NFATC1: variants seen among roughly 807,000 people sequenced by gnomAD.
NFATC1 encodes the protein nuclear factor of activated T-cells, cytoplasmic 1.
In NFATC1, 22 loss-of-function variants were observed where a neutral mutation model predicts 76.0. The observed-to-expected ratio is 0.29, with a 90% CI of 0.21 to 0.41. NFATC1 has a LOEUF of 0.41. NFATC1 is among the 10% of genes least tolerant of loss of function. The pLI, the probability that NFATC1 is intolerant of heterozygous loss-of-function variation, is 1.00. For missense variants in NFATC1, 1,357 were observed against 1,337.7 expected, an observed-to-expected ratio of 1.01 and a Z score of -0.23; for synonymous variants, 704 against 613.1, an observed-to-expected ratio of 1.15 and a Z score of -2.19.
At chr18:79,449,443 A>G (rs2087363096) in intron 4 of NFATC1, among the ~76,000 whole-genome samples, 1 of 152,250 alleles carries the variant, frequency 6.6e-6, no homozygotes, top group African/African-American at 2.4e-5. Flanking sequence ...TTTTTTAGTA[A>G]GGTGAGGACG....
chr18:79,413,026 G>A (rs2085751026), intron 2 of NFATC1, among the ~76,000 whole-genome samples: 1 of 152,290 alleles, frequency 6.6e-6, no homozygotes, highest in South Asian at 2.1e-4. Flanking sequence ...AACTGTTTTT[G>A]CCTGCTGTAC....
chr18:79,411,078 A>G lies in NFATC1; in HGVS notation c.803A>G (p.Tyr268Cys), dbSNP rs2085657828. ...RPASPCNKRK[Y>C]SLNGRQPPYS... The stretch of plus-strand genomic sequence containing the variant: ...GCGTCCCCTTGCAACAAGAGGAAGT[A>G]CAGCCTCAACGGCCGGCAGCCGCCC... The change falls in exon 2 of 10, where the codon TAC becomes TGC. Residue 268 changes from tyrosine to cysteine, a missense_variant. By Grantham distance (194) the Tyr-to-Cys change is radical. Around this residue, in one of 3 missense-constraint regions of NFATC1, gnomAD observed 691 missense variants for 613.1 expected, o/e 1.13. Transcript: ENST00000427363. 1.2e-6 allele frequency: 2 copies of G among 1,611,808 alleles called. No individual in the cohort carries two copies. Among genetic ancestry groups the G allele is most frequent in the Non-Finnish European group, 1.7e-6 (2 of 1,179,512 alleles).
At chr18:79,523,337 C>T (rs1230500890) in intron 9 of NFATC1, among the ~76,000 whole-genome samples, 2 of 152,246 alleles carry the variant, frequency 1.3e-5, no homozygotes, top group African/African-American at 4.8e-5. Context: ...TCATTCCCAG[C>T]ATAGAGAAAC....
intron 3 of NFATC1, among the ~76,000 whole-genome samples, chr18:79,443,083 C>T (rs764821456): frequency 3.9e-5 from 6 of 152,052 alleles, no homozygotes; most frequent in Non-Finnish European, 5.9e-5. Context: ...TTTTCAGTCG[C>T]GGCTGGAAGG....
Position 79,396,409 on chromosome 18 carries a change from G to GC in NFATC1, c.127+64dup, listed in dbSNP as rs1011241253. 12 of 1,087,784 alleles carry GC rather than the reference G, an allele frequency of 1.1e-5. No homozygotes were observed. The African/African-American group carries it at 1.5e-4, about 14-fold the overall frequency. 67.4% of individuals were successfully genotyped at this position (1,087,784 alleles called of 1,614,324 possible). On this transcript the variant is annotated intron_variant, in intron 1 of 9. Coordinates refer to ENST00000427363, the MANE Select transcript of NFATC1 (RefSeq NM_001278669.2). ...CTGCGCCCCCCACGGCCCGGGCCGC[G>GC]CCCCCCGACCCCGCCCCCGTCGCCC...
chr18:79,400,750 G>A (rs1192661121), intron 1 of NFATC1, among the ~76,000 whole-genome samples: 2 of 84,440 alleles, frequency 2.4e-5, no homozygotes. Flanking sequence ...TGGTGGCGCT[G>A]CCAGAGGCGG....
intron 9 of NFATC1, among the ~76,000 whole-genome samples, chr18:79,495,739 A>G (rs113310686): frequency 0.014 from 2,164 of 152,386 alleles, 54 homozygotes; most frequent in African/African-American, 0.046. Context: ...CATCTTGTGT[A>G]GGCAAGCCGT....
At chr18:79,430,856 CCT>C (rs1418344924) in intron 2 of NFATC1, among the ~76,000 whole-genome samples, 1 of 152,238 alleles carries the variant, frequency 6.6e-6, no homozygotes, top group Non-Finnish European at 1.5e-5. Flanking sequence ...GCAGCTGCCC[CCT>C]CTCCCTTCCC....
At chr18:79,442,335 C>T (rs2087011954) in intron 3 of NFATC1, among the ~76,000 whole-genome samples, 1 of 152,262 alleles carries the variant, frequency 6.6e-6, no homozygotes, top group South Asian at 2.1e-4. Context: ...GTCGGTCCTG[C>T]TGAGCAGCCT....
chr18:79,516,325 TAAAA>T (rs1249513212), intron 9 of NFATC1, among the ~76,000 whole-genome samples: 1 of 152,186 alleles, frequency 6.6e-6, no homozygotes, highest in African/African-American at 2.4e-5. Flanking sequence ...ATGAAAAAGA[TAAAA>T]ATAAGTGAAG....
rs755208638 is a variant in NFATC1, at chr18:79,396,202, C to T, written c.-23C>T. On this transcript the variant is annotated 5_prime_UTR_variant, in exon 1 of 10. Transcript: ENST00000427363. ...TCTCCTGTGCCTCCGCCCGCCGCTC[C>T]ACTCCCCGCCGCCGCCGCGCGGATG... 1 of 1,469,200 alleles carries T rather than the reference C, an allele frequency of 6.8e-7. No homozygotes were observed. The highest frequency in any genetic ancestry group is 9.1e-7 in the Non-Finnish European group (1 of 1,101,226). 91.0% of individuals were successfully genotyped at this position (1,469,200 alleles called of 1,614,324 possible).
chr18:79,420,033 C>A (rs1317547330), intron 2 of NFATC1, among the ~76,000 whole-genome samples: 1 of 152,196 alleles, frequency 6.6e-6, no homozygotes, highest in Non-Finnish European at 1.5e-5. Flanking sequence ...TGGGGAGAGA[C>A]AGTAGTTGTA....
At chr18:79,419,223 G>A (rs1227125599) in intron 2 of NFATC1, among the ~76,000 whole-genome samples, 4 of 152,126 alleles carry the variant, frequency 2.6e-5, no homozygotes, top group African/African-American at 2.4e-5. Context: ...GAGTCTTGCC[G>A]TGTTGTCCAG....
rs958482741 is a variant in NFATC1, at chr18:79,524,363, C to T, written c.2783-3165C>T. ...CTCGTCCGCGGTGTGGATGGGTGGG[C>T]GGTACAGCCTCCTCTGCGGTTCGGT... On this transcript the variant is annotated intron_variant, in intron 9 of 9. Coordinates refer to ENST00000427363, the MANE Select transcript of NFATC1 (RefSeq NM_001278669.2). This position sits in a 1 kb window ranked among gnomAD's most constrained non-coding sequence, Gnocchi z 7.2. 3.9e-5 allele frequency among the ~76,000 whole-genome samples: 6 copies of T among 152,166 alleles called. No individual in the cohort carries two copies. The highest frequency in any genetic ancestry group is 1.9e-4 in the East Asian group (1 of 5,194).
intron 6 of NFATC1, among the ~76,000 whole-genome samples, chr18:79,460,170 TCTCCACC>T (rs1171290507): frequency 1.4e-4 from 22 of 152,100 alleles, no homozygotes; most frequent in Non-Finnish European, 4.4e-5. Flanking sequence ...TCACATTTCC[TCTCCACC>T]CTCCACCCAG....
chr18:79,472,370 T>G (rs1312479541), intron 8 of NFATC1, among the ~76,000 whole-genome samples: 1 of 152,150 alleles, frequency 6.6e-6, no homozygotes, highest in African/African-American at 2.4e-5. Flanking sequence ...TCCGCCTGAT[T>G]GCAGACAAGC....
At chr18:79,493,229 G>A (rs2089743935) in intron 9 of NFATC1, among the ~76,000 whole-genome samples, 1 of 152,366 alleles carries the variant, frequency 6.6e-6, no homozygotes, top group Non-Finnish European at 1.5e-5. Context: ...TCCGCTGGGG[G>A]CGGACTCGCG....
At chr18:79,440,006 C>T (rs1022015762) in intron 3 of NFATC1, among the ~76,000 whole-genome samples, 3 of 152,100 alleles carry the variant, frequency 2.0e-5, no homozygotes, top group Admixed American at 6.5e-5. Context: ...GGCAGGTCTG[C>T]GACACTGATT....
At chr18:79,491,611 A>G (rs1195699848) in intron 9 of NFATC1, among the ~76,000 whole-genome samples, 1 of 152,282 alleles carries the variant, frequency 6.6e-6, no homozygotes, top group Admixed American at 6.5e-5. Flanking sequence ...TGGGTATGGC[A>G]GGTGACAGAA....
Sources: gnomAD v4.1 joint callset for allele counts (sites outside exome capture counted in the v4.1 genomes callset) on GRCh38, gnomAD v4.1.1 for gene constraint, gnomAD v4.1.1 regional missense constraint, Gnocchi (gnomAD v3.1) non-coding constraint, MANE v1.5 for transcripts, NCBI Gene and HGNC (gene_info 2026-07-23, HGNC 2026-07-21) for gene names.